The following UNC5D variants were observed in gnomAD, a reference collection of about 807,000 sequenced individuals.
The protein encoded by UNC5D is netrin receptor UNC5D.
A neutral mutation model predicts 105.4 loss-of-function variants in UNC5D; 39 were observed. The ratio of observed to expected loss-of-function variants is 0.37; its 90% CI spans 0.29 to 0.48. The LOEUF (loss-of-function observed/expected upper bound fraction) is 0.48, where lower values mean the gene tolerates loss of function less well. Among genes scored for constraint, UNC5D ranks in the 20% least tolerant of loss-of-function variants. The pLI, the probability that UNC5D is intolerant of heterozygous loss-of-function variation, is 0.98. For missense variants in UNC5D, 991 were observed against 1,202.4 expected (o/e 0.82, Z 2.60); for synonymous variants, 452 against 450.4 (o/e 1.00, Z -0.04).
intron 1 of UNC5D, among the ~76,000 whole-genome samples, chr8:35,245,842 A>T (rs1360689056): frequency 6.6e-6 from 1 of 152,170 alleles, no homozygotes; most frequent in African/African-American, 2.4e-5. Context: ...ATATATCATC[A>T]TCATAGCAAA....
At chr8:35,338,826 C>A (rs977604883) in intron 1 of UNC5D, among the ~76,000 whole-genome samples, 1 of 152,174 alleles carries the variant, frequency 6.6e-6, no homozygotes, top group African/African-American at 2.4e-5. Context: ...CCCTGACCGA[C>A]TTCTGCCCTG....
chr8:35,684,516 C>CA, intron 5 of UNC5D, 66 bp from the exon 6 acceptor site: 1 of 1,564,150 alleles, frequency 6.4e-7, no homozygotes, highest in Non-Finnish European at 8.7e-7. Flanking sequence ...CAGTGGCTTG[C>CA]ACATAGTAGG....
At chr8:35,425,201 A>T (rs1806163791) in intron 1 of UNC5D, among the ~76,000 whole-genome samples, 1 of 152,198 alleles carries the variant, frequency 6.6e-6, no homozygotes, top group African/African-American at 2.4e-5. Flanking sequence ...TAAAAAGAAA[A>T]AAGAAATTGT....
At chr8:35,553,449 C>T (rs1816314399) in intron 2 of UNC5D, among the ~76,000 whole-genome samples, 1 of 151,838 alleles carries the variant, frequency 6.6e-6, no homozygotes, top group South Asian at 2.1e-4. Flanking sequence ...ATATTATATA[C>T]CGATTTTTAA....
At chr8:35,567,961 G>A in intron 2 of UNC5D, 137 bp from the exon 3 acceptor site, 1 of 1,329,848 alleles carries the variant, frequency 7.5e-7, no homozygotes, top group East Asian at 2.3e-5. Context: ...ATATATTATT[G>A]TCAAAGTAAT....
intron 1 of UNC5D, among the ~76,000 whole-genome samples, chr8:35,382,296 C>A (rs1038986018): frequency 6.6e-6 from 1 of 152,172 alleles, no homozygotes; most frequent in African/African-American, 2.4e-5. Context: ...TGATATGTAA[C>A]TCAGGCCAGA....
chr8:35,290,256 C>T (rs1196176060), intron 1 of UNC5D, among the ~76,000 whole-genome samples: 1 of 152,100 alleles, frequency 6.6e-6, no homozygotes, highest in Non-Finnish European at 1.5e-5. Context: ...AAGCATCCAT[C>T]AGTGGATGAA....
At chr8:35,502,549 G>GT (rs1812038038) in intron 1 of UNC5D, among the ~76,000 whole-genome samples, 1 of 151,872 alleles carries the variant, frequency 6.6e-6, no homozygotes, top group Non-Finnish European at 1.5e-5. Context: ...GATTCTCTTC[G>GT]TTTTTTTGTT....
intron 4 of UNC5D, among the ~76,000 whole-genome samples, chr8:35,623,465 C>G (rs1483677106): frequency 6.6e-6 from 1 of 152,206 alleles, no homozygotes; most frequent in Non-Finnish European, 1.5e-5. Flanking sequence ...CTCCCTTCCT[C>G]TCTTTTCAGC....
rs529246558 is a variant in UNC5D, at chr8:35,406,011, G to T, written c.104-143281G>T. On this transcript the variant is annotated intron_variant, in intron 1 of 16. Coordinates refer to ENST00000404895, the MANE Select transcript of UNC5D (RefSeq NM_080872.4). ...AAATATTTCTGAGTATGCTAAATTT[G>T]TTAATGTAGCATTAAGTTAATTATG... 8.5e-5 allele frequency among the ~76,000 whole-genome samples: 13 copies of T among 152,220 alleles called. No homozygotes were observed. The South Asian group carries it at 2.7e-3, about 32-fold the overall frequency.
intron 16 of UNC5D, among the ~76,000 whole-genome samples, chr8:35,786,636 A>G (rs951784544): frequency 2.6e-4 from 39 of 152,188 alleles, no homozygotes; most frequent in African/African-American, 9.2e-4. Flanking sequence ...TTGAAATGTC[A>G]AAGATCCCCA....
At chr8:35,533,735 G>A (rs7013812) in intron 1 of UNC5D, among the ~76,000 whole-genome samples, 2 of 152,346 alleles carry the variant, frequency 1.3e-5, no homozygotes, top group South Asian at 4.1e-4. Flanking sequence ...CCAGGTGTGG[G>A]ATATAATCTC....
At chr8:35,315,781 A>G (rs573008491) in intron 1 of UNC5D, among the ~76,000 whole-genome samples, 6 of 152,376 alleles carry the variant, frequency 3.9e-5, no homozygotes, top group African/African-American at 1.4e-4. Context: ...TCAAAGTCAC[A>G]TAGCCAGTAA....
intron 4 of UNC5D, among the ~76,000 whole-genome samples, chr8:35,649,146 C>A (rs1170994848): frequency 6.6e-6 from 1 of 152,078 alleles, no homozygotes; most frequent in African/African-American, 2.4e-5. Flanking sequence ...TTTCTAGAAT[C>A]GTTGAAGGAG....
intron 7 of UNC5D, among the ~76,000 whole-genome samples, chr8:35,696,719 C>G (rs910481363): frequency 2.0e-5 from 3 of 152,094 alleles, no homozygotes; most frequent in African/African-American, 7.2e-5. Context: ...TCTTCAAGAT[C>G]ATTACGAAAG....
chr8:35,404,524 AT>A (rs1804676979), intron 1 of UNC5D, among the ~76,000 whole-genome samples: 8 of 152,120 alleles, frequency 5.3e-5, no homozygotes, highest in Admixed American at 2.6e-4. Flanking sequence ...TTAGAAAGGG[AT>A]ATATTCAGGC....
intron 1 of UNC5D, among the ~76,000 whole-genome samples, chr8:35,338,317 A>G (rs1205844441): frequency 6.6e-6 from 1 of 152,160 alleles, no homozygotes. Flanking sequence ...TGAACAACTA[A>G]TAACAATCGA....
chr8:35,591,040 G>A (rs1183909711), intron 3 of UNC5D, among the ~76,000 whole-genome samples: 8 of 152,016 alleles, frequency 5.3e-5, no homozygotes, highest in Non-Finnish European at 7.4e-5. Context: ...ATTGCCCATT[G>A]CCAGGTTTTT....
At chr8:35,527,542 T>G (rs540953439) in intron 1 of UNC5D, among the ~76,000 whole-genome samples, 38 of 152,182 alleles carry the variant, frequency 2.5e-4, no homozygotes, top group Non-Finnish European at 4.7e-4. Context: ...CTCCTGTTTC[T>G]CCTGTTTTCT....
Sources: allele counts gnomAD v4.1 joint callset (sites outside exome capture counted in the v4.1 genomes callset), GRCh38; gene constraint gnomAD v4.1.1; transcripts MANE v1.5; gene names NCBI Gene and HGNC (gene_info 2026-07-23, HGNC 2026-07-21).